GRID2: variants seen among roughly 807,000 people sequenced by gnomAD.
GRID2 encodes glutamate ionotropic receptor delta type subunit 2, also known as glutamate receptor ionotropic, delta-2.
GRID2 carries 33 observed loss-of-function variants against 114.8 expected under a neutral mutation model. The ratio of observed to expected loss-of-function variants is 0.29; its 90% CI spans 0.22 to 0.38. The LOEUF is 0.38. Among genes scored for constraint, GRID2 ranks in the 10% least tolerant of loss-of-function variants. GRID2 has a pLI of 1.00. For synonymous variants in GRID2, 505 were observed against 449.9 expected, an observed-to-expected ratio of 1.12 and a Z score of -1.55; for missense variants, 1,184 against 1,257.7, an observed-to-expected ratio of 0.94 and a Z score of 0.89.
intron 13 of GRID2, among the ~76,000 whole-genome samples, chr4:93,541,105 A>G (rs1478270850): frequency 6.6e-6 from 1 of 152,144 alleles, no homozygotes; most frequent in East Asian, 1.9e-4. Context: ...TCGTTGAGAG[A>G]CACTATGGAG....
Position 93,599,941 on chromosome 4 carries a change from C to T in GRID2, c.2194-26328C>T, listed in dbSNP as rs541027089. On this transcript the variant is annotated intron_variant, in intron 13 of 15. Transcript: ENST00000282020. ...CAGGAAGAGTCCTAAAATTGGCATTCATACTGCCCTTAAATTCTTGGATAA... is the reference window on the plus strand; with the variant it reads ...CAGGAAGAGTCCTAAAATTGGCATTTATACTGCCCTTAAATTCTTGGATAA... Among the ~76,000 whole-genome samples, 175 of 152,318 alleles carry T rather than the reference C, an allele frequency of 1.1e-3. 1 individual carries two copies. Among genetic ancestry groups the T allele is most frequent in the African/African-American group, 4.1e-3 (169 of 41,576 alleles).
intron 1 of GRID2, among the ~76,000 whole-genome samples, chr4:92,353,586 G>A (rs1038834723): frequency 2.0e-5 from 3 of 151,920 alleles, no homozygotes; most frequent in African/African-American, 7.3e-5. Flanking sequence ...CCTCCTTGAA[G>A]TCTCTGTTCC....
At chr4:93,702,207 T>C (rs1727572148) in intron 14 of GRID2, among the ~76,000 whole-genome samples, 1 of 152,194 alleles carries the variant, frequency 6.6e-6, no homozygotes, top group African/African-American at 2.4e-5. Flanking sequence ...ATTGGCTTTT[T>C]GTAAATAGAT....
chr4:93,031,902 A>T (rs1724474499), intron 2 of GRID2, among the ~76,000 whole-genome samples: 1 of 152,100 alleles, frequency 6.6e-6, no homozygotes. Flanking sequence ...TATAGTTGTG[A>T]AATAGTTCAA....
At chr4:93,216,588 A>T in intron 5 of GRID2, 150 bp from the exon 6 acceptor site, 1 of 526,648 alleles carries the variant, frequency 1.9e-6, no homozygotes, top group East Asian at 2.9e-5. Flanking sequence ...TAACAAAAAT[A>T]TGTTGCTTTC....
At chr4:93,004,112 G>T (rs1333059403) in intron 2 of GRID2, among the ~76,000 whole-genome samples, 2 of 151,756 alleles carry the variant, frequency 1.3e-5, no homozygotes, top group African/African-American at 4.8e-5. Flanking sequence ...GCAAAATATT[G>T]CCAGGATTTC....
intron 2 of GRID2, among the ~76,000 whole-genome samples, chr4:92,874,235 T>A (rs1176340252): frequency 1.3e-5 from 2 of 152,236 alleles, no homozygotes; most frequent in Admixed American, 6.5e-5. Flanking sequence ...CTTGTTTTAC[T>A]TTATTTACTG....
At chr4:93,155,047 C>A (rs1737057997) in intron 4 of GRID2, among the ~76,000 whole-genome samples, 1 of 151,914 alleles carries the variant, frequency 6.6e-6, no homozygotes, top group African/African-American at 2.4e-5. Context: ...TACATAGAGG[C>A]TCCTTGGTGG....
At chr4:93,314,789 A>G (rs1220034694) in intron 8 of GRID2, among the ~76,000 whole-genome samples, 1 of 152,094 alleles carries the variant, frequency 6.6e-6, no homozygotes, top group Non-Finnish European at 1.5e-5. Context: ...ATATTGTGAT[A>G]TGATTACCAC....
chr4:93,513,612 G>T (rs553775681), intron 12 of GRID2, among the ~76,000 whole-genome samples: 1 of 152,010 alleles, frequency 6.6e-6, no homozygotes, highest in Non-Finnish European at 1.5e-5. Flanking sequence ...TTCCAGAATC[G>T]CACTTTCTCT....
At chr4:92,927,480 G>A (rs1749897147) in intron 2 of GRID2, among the ~76,000 whole-genome samples, 1 of 151,756 alleles carries the variant, frequency 6.6e-6, no homozygotes, top group African/African-American at 2.4e-5. Context: ...AGAGCTAGAT[G>A]CTACCTGTAC....
At chr4:93,681,864 G>A (rs1427029026) in intron 14 of GRID2, among the ~76,000 whole-genome samples, 1 of 151,822 alleles carries the variant, frequency 6.6e-6, no homozygotes, top group African/African-American at 2.4e-5. Context: ...CAGGACATAG[G>A]CATGGGCAAG....
intron 14 of GRID2, among the ~76,000 whole-genome samples, chr4:93,749,640 CAT>C (rs758530515): frequency 6.6e-6 from 1 of 152,180 alleles, no homozygotes; most frequent in Non-Finnish European, 1.5e-5. Context: ...CCACTCTCTA[CAT>C]GTTATAAACA....
rs554951842 is a variant in GRID2, at chr4:93,802,129, G to A, written c.222-4586G>A. Among the ~76,000 whole-genome samples, 23 of 152,266 alleles carry A rather than the reference G, an allele frequency of 1.5e-4. 1 individual carries two copies. In the Middle Eastern group the frequency reaches 0.017, roughly 113 times the overall value. On this transcript the variant is annotated intron_variant, in intron 1 of 1. Transcript: ENST00000637838. ...TGGGAAGTTCTTTCTGCCGCAGGGC[G>A]TGCCCTGAAACACATCAAAAGAACC...
intron 1 of GRID2, among the ~76,000 whole-genome samples, chr4:93,804,588 A>G (rs1384187014): frequency 6.6e-6 from 1 of 152,224 alleles, no homozygotes; most frequent in Non-Finnish European, 1.5e-5. Context: ...AGACATCCTT[A>G]TGCATCATGT....
At chr4:92,953,988 A>G (rs1214876802) in intron 2 of GRID2, among the ~76,000 whole-genome samples, 1 of 152,006 alleles carries the variant, frequency 6.6e-6, no homozygotes, top group Admixed American at 6.6e-5. Context: ...TGTCCTCATA[A>G]TCTCACTAGA....
At chr4:93,787,040 T>C (rs1734607431) in intron 1 of GRID2, among the ~76,000 whole-genome samples, 1 of 151,864 alleles carries the variant, frequency 6.6e-6, no homozygotes, top group African/African-American at 2.4e-5. Flanking sequence ...CTTGATCTAA[T>C]AGATTCAGAA....
chr4:93,668,727 A>C (rs1724152666), intron 14 of GRID2, among the ~76,000 whole-genome samples: 1 of 152,074 alleles, frequency 6.6e-6, no homozygotes, highest in Non-Finnish European at 1.5e-5. Flanking sequence ...GACAGGACTT[A>C]AAAGGGCTCA....
chr4:92,934,181 C>T (rs185890192), intron 2 of GRID2, among the ~76,000 whole-genome samples: 6 of 151,760 alleles, frequency 4.0e-5, no homozygotes, highest in Non-Finnish European at 8.8e-5. Flanking sequence ...AATGTTCTTC[C>T]ATTTCTTTGT....
Sources: gnomAD v4.1 joint callset for allele counts (sites outside exome capture counted in the v4.1 genomes callset) on GRCh38, gnomAD v4.1.1 for gene constraint, MANE v1.5 for transcripts, NCBI Gene and HGNC (gene_info 2026-07-23, HGNC 2026-07-21) for gene names.